Variants in PPARGC1A observed in about 807,000 individuals in gnomAD.
PPARGC1A encodes peroxisome proliferator-activated receptor gamma coactivator 1-alpha.
In PPARGC1A, 25 loss-of-function variants were observed where a neutral mutation model predicts 88.7. That is an observed-to-expected ratio of 0.28 (90% CI 0.21 to 0.39). The LOEUF is 0.39. Ranked by LOEUF, PPARGC1A falls within the 10% of genes least tolerant of loss-of-function variation. The pLI, the probability that PPARGC1A is intolerant of heterozygous loss-of-function variation, is 1.00. For synonymous variants in PPARGC1A, 363 were observed against 355.6 expected (o/e 1.02, Z -0.24); for missense variants, 880 against 968.7 (o/e 0.91, Z 1.22).
the PPARGC1A span, among the ~76,000 whole-genome samples, chr4:24,364,010 C>T: frequency 6.6e-6 from 1 of 152,078 alleles, no homozygotes; most frequent in Non-Finnish European, 1.5e-5. Context: ...ACTAACATAG[C>T]GATTAAAAAC....
the PPARGC1A span, among the ~76,000 whole-genome samples, chr4:24,177,080 C>T: frequency 6.6e-6 from 1 of 152,168 alleles, no homozygotes; most frequent in Admixed American, 6.5e-5. Context: ...GGATCTAAAA[C>T]TAGAAATACC....
the PPARGC1A span, among the ~76,000 whole-genome samples, chr4:24,136,138 C>T: frequency 6.6e-6 from 1 of 152,192 alleles, no homozygotes; most frequent in Admixed American, 6.5e-5. Flanking sequence ...GAAATATTGG[C>T]ACCTCGCATC....
At chr4:24,143,047 A>T in the PPARGC1A span, among the ~76,000 whole-genome samples, 18 of 152,332 alleles carry the variant, frequency 1.2e-4, no homozygotes, top group African/African-American at 4.1e-4. Flanking sequence ...TAAGGACATT[A>T]TCAGCATGCA....
the PPARGC1A span, among the ~76,000 whole-genome samples, chr4:24,449,577 C>CA: frequency 1.1e-4 from 17 of 152,146 alleles, no homozygotes; most frequent in African/African-American, 4.1e-4. Flanking sequence ...ATAGAGCCTC[C>CA]AAAAATATTT....
the PPARGC1A span, among the ~76,000 whole-genome samples, chr4:24,029,921 C>A: frequency 1.3e-5 from 2 of 152,246 alleles, no homozygotes; most frequent in Admixed American, 1.3e-4. Context: ...GCTGCCAAGT[C>A]CTCTCTGTAG....
At chr4:24,300,295 TAAGCAATGGTATTTTTCTATACAATAGCA>T in the PPARGC1A span, among the ~76,000 whole-genome samples, 2 of 146,638 alleles carry the variant, frequency 1.4e-5, no homozygotes, top group African/African-American at 5.0e-5. Flanking sequence ...TTTCCTCCTT[TAAGCAATGGTATTTTTCTATACAATAGCA>T]TTTTTTTTTT....
the PPARGC1A span, among the ~76,000 whole-genome samples, chr4:23,914,161 A>T: frequency 6.6e-6 from 1 of 152,192 alleles, no homozygotes; most frequent in Admixed American, 6.5e-5. Context: ...CCCTAATATA[A>T]TATTAAATAT....
chr4:24,035,120 A>C, the PPARGC1A span, among the ~76,000 whole-genome samples: 1 of 152,194 alleles, frequency 6.6e-6, no homozygotes, highest in Non-Finnish European at 1.5e-5. Flanking sequence ...GAGATAGTAT[A>C]TGTGTGGCAA....
At chr4:24,415,145 G>A in the PPARGC1A span, among the ~76,000 whole-genome samples, 14 of 151,268 alleles carry the variant, frequency 9.3e-5, no homozygotes, top group Non-Finnish European at 1.6e-4. Flanking sequence ...AGCCAAGATC[G>A]CACCACTGCA....
chr4:24,320,289 G>A, the PPARGC1A span, among the ~76,000 whole-genome samples: 1 of 152,132 alleles, frequency 6.6e-6, no homozygotes. Flanking sequence ...AGGAAGAAAA[G>A]TTTGTATCTC....
chr4:24,157,737 A>G, the PPARGC1A span, among the ~76,000 whole-genome samples: 13 of 151,800 alleles, frequency 8.6e-5, no homozygotes, highest in Non-Finnish European at 1.8e-4. Context: ...ACCTGTCCTG[A>G]TCCAACCCCA....
the PPARGC1A span, among the ~76,000 whole-genome samples, chr4:24,407,381 G>A: frequency 6.6e-6 from 1 of 152,198 alleles, no homozygotes; most frequent in Non-Finnish European, 1.5e-5. Flanking sequence ...CTCCTTTACA[G>A]AGGTAGCAGG....
the PPARGC1A span, among the ~76,000 whole-genome samples, chr4:24,454,476 C>T: frequency 9.2e-5 from 14 of 152,076 alleles, no homozygotes; most frequent in African/African-American, 3.4e-4. Flanking sequence ...TGGTTCACAC[C>T]TGTAATTCCA....
At chr4:23,943,704 G>C in the PPARGC1A span, among the ~76,000 whole-genome samples, 4 of 152,142 alleles carry the variant, frequency 2.6e-5, no homozygotes, top group Non-Finnish European at 5.9e-5. Flanking sequence ...GGGATAAGGA[G>C]TGACTGTGCA....
chr4:24,359,887 C>T, the PPARGC1A span, among the ~76,000 whole-genome samples: 6 of 152,196 alleles, frequency 3.9e-5, no homozygotes, highest in Non-Finnish European at 7.3e-5. Context: ...TGAGACAATA[C>T]ATTTCTGTGG....
the PPARGC1A span, among the ~76,000 whole-genome samples, chr4:24,445,638 C>G: frequency 6.6e-6 from 1 of 152,144 alleles, no homozygotes; most frequent in African/African-American, 2.4e-5. Flanking sequence ...CTCCTTTAAT[C>G]TGGGTGGGGC....
the PPARGC1A span, among the ~76,000 whole-genome samples, chr4:24,384,558 CAAA>C: frequency 9.3e-5 from 5 of 53,948 alleles, no homozygotes; most frequent in South Asian, 7.9e-4. Context: ...AAATGGAAAG[CAAA>C]AAAAAAAAAA....
chr4:23,946,440 C>T, the PPARGC1A span, among the ~76,000 whole-genome samples: 7 of 152,110 alleles, frequency 4.6e-5, no homozygotes, highest in African/African-American at 1.2e-4. Context: ...AAGAGCCGTA[C>T]GCAGATTCAG....
chr4:24,187,048 A>G, the PPARGC1A span, among the ~76,000 whole-genome samples: 1 of 152,140 alleles, frequency 6.6e-6, no homozygotes, highest in Admixed American at 6.6e-5. Context: ...TTGCTTCTTT[A>G]GGGACTTCTA....
Sources: allele counts gnomAD v4.1 joint callset (sites outside exome capture counted in the v4.1 genomes callset), GRCh38; gene constraint gnomAD v4.1.1; transcripts MANE v1.5; gene names NCBI Gene and HGNC (gene_info 2026-07-23, HGNC 2026-07-21).